ZFHX3: variants seen among roughly 807,000 people sequenced by gnomAD.
ZFHX3 encodes zinc finger homeobox 3.
In ZFHX3, 42 loss-of-function variants were observed where a neutral mutation model predicts 279.1. The observed-to-expected ratio is 0.15, with a 90% CI of 0.12 to 0.19. The LOEUF is 0.19. Among genes scored for constraint, ZFHX3 ranks in the 10% least tolerant of loss-of-function variants. ZFHX3 has a pLI of 1.00. For missense variants in ZFHX3, 4,981 were observed against 4,754.0 expected (o/e 1.05, Z -1.40); for synonymous variants, 2,293 against 1,957.8 (o/e 1.17, Z -4.52).
chr16:72,822,213 A>G (rs2036810766), intron 5 of ZFHX3, among the ~76,000 whole-genome samples: 1 of 152,170 alleles, frequency 6.6e-6, no homozygotes, highest in Admixed American at 6.5e-5. Flanking sequence ...ACAAAAATCA[A>G]TGGTTGCCAC....
In ZFHX3 at chr16:73,297,802, C is replaced by T. The variant is rs372845178; in HGVS notation, c.-1194+20438G>A. Among the ~76,000 whole-genome samples the T allele has an allele frequency of 2.0e-4, 31 of 151,972 alleles. 1 individual carries two copies. Among genetic ancestry groups the T allele is most frequent in the Admixed American group, 9.2e-4 (14 of 15,270 alleles). ...ATTTCTTCTCTGGAAAGTGTCTGTG[C>T]GATAATAACCTTATCTTGTAGAGTT... On this transcript the variant is annotated intron_variant, in intron 4 of 17. Transcript: ENST00000641206.
chr16:72,968,675 C>T (rs574386426), intron 1 of ZFHX3, among the ~76,000 whole-genome samples: 1 of 152,152 alleles, frequency 6.6e-6, no homozygotes, highest in African/African-American at 2.4e-5. Flanking sequence ...ACTGGCCAGG[C>T]TAGTTTCGAA....
intron 3 of ZFHX3, among the ~76,000 whole-genome samples, chr16:73,417,505 T>C (rs2017615445): frequency 6.6e-6 from 1 of 150,854 alleles, no homozygotes; most frequent in Admixed American, 6.6e-5. Flanking sequence ...TACCTAGGAT[T>C]CCAAGTATGC....
intron 1 of ZFHX3, among the ~76,000 whole-genome samples, chr16:73,696,010 A>G (rs12102385): frequency 0.62 from 94,737 of 152,082 alleles, 31,585 homozygotes; most frequent in East Asian, 0.85. Flanking sequence ...TGGGTTCTCC[A>G]CAAAAGAGAG....
At chr16:73,293,535 G>A (rs563170170) in intron 4 of ZFHX3, among the ~76,000 whole-genome samples, 4 of 152,198 alleles carry the variant, frequency 2.6e-5, no homozygotes, top group Non-Finnish European at 5.9e-5. Context: ...TGCTATTGGT[G>A]CATGAAGACA....
rs774648688 is a variant in ZFHX3 at position 72,797,322 on chromosome 16, A to G, written c.5360T>C (p.Leu1787Pro). The G allele has an allele frequency of 1.9e-6, 3 of 1,604,256 alleles. No homozygotes were observed. The highest frequency in any genetic ancestry group is 2.6e-6 in the Non-Finnish European group (3 of 1,174,530). Residue 1787 changes from leucine (L) to proline (P), a missense_variant, in exon 9 of 10, where the codon CTG becomes CCG. Coordinates refer to ENST00000268489, the MANE Select transcript of ZFHX3 (RefSeq NM_006885.4). ...GTGCTGCTGCTGCTGTAGTTGCAGC[A>G]GGGTCTCAGTTGTCATGGGGAAGTG... ...LPHFPMTTET[L>P]LQLQQQQHLL...
At chr16:72,830,160 C>T (rs188965743) in intron 4 of ZFHX3, among the ~76,000 whole-genome samples, 3 of 152,204 alleles carry the variant, frequency 2.0e-5, no homozygotes, top group African/African-American at 4.8e-5. Context: ...ACTGAAAAAC[C>T]AATCCTGGTT....
chr16:73,871,611 G>A (rs1455464974), intron 1 of ZFHX3, among the ~76,000 whole-genome samples: 2 of 152,016 alleles, frequency 1.3e-5, no homozygotes, highest in Admixed American at 1.3e-4. Flanking sequence ...ATTTGCTAAT[G>A]GTGAAATAAA....
chr16:72,809,335 C>A (rs2143570725), intron 7 of ZFHX3: 1 of 152,272 alleles, frequency 6.6e-6, no homozygotes, highest in East Asian at 1.9e-4. Flanking sequence ...ACATCTCTTT[C>A]TGTTCTTTCA....
In ZFHX3 at chr16:73,423,689, C is replaced by T. The variant is rs113087300; in HGVS notation, c.-1291+32314G>A. Among the ~76,000 whole-genome samples the T allele has an allele frequency of 9.5e-3, 1,443 of 152,246 alleles. 19 individuals carry two copies. Among genetic ancestry groups the T allele is most frequent in the African/African-American group, 0.033 (1,369 of 41,540 alleles). ...GCAGCCTGGCCAGCATGGCACAATC[C>T]TGTCTCTACTAAGAATACAAAACTT... On this transcript the variant is annotated intron_variant, in intron 3 of 17. Coordinates refer to the ZFHX3 transcript ENST00000641206.
chr16:73,559,579 G>A (rs1276333352), intron 2 of ZFHX3, among the ~76,000 whole-genome samples: 5 of 152,156 alleles, frequency 3.3e-5, no homozygotes, highest in South Asian at 2.1e-4. Flanking sequence ...TCCCTCTCTC[G>A]GGTCCGGTTG....
In ZFHX3 at chr16:73,665,493, C is replaced by T. The variant is rs556774845; in HGVS notation, c.-1547+14687G>A. On this transcript the variant is annotated intron_variant, in intron 2 of 17. Coordinates refer to the ZFHX3 transcript ENST00000641206. Reference sequence around the variant, plus strand: ...CCTCCCAAAGTGTTGGGATTACAGGCATGAGCCACCATGCCTGGCCTGACC... The same window carrying T: ...CCTCCCAAAGTGTTGGGATTACAGGTATGAGCCACCATGCCTGGCCTGACC... Among the ~76,000 whole-genome samples the T allele has an allele frequency of 9.2e-5, 14 of 151,788 alleles. No individual in the cohort carries two copies. In the East Asian group the frequency reaches 2.3e-3, roughly 25 times the overall value.
chr16:72,952,480 C>A (rs1293391429), intron 2 of ZFHX3, among the ~76,000 whole-genome samples: 1 of 152,166 alleles, frequency 6.6e-6, no homozygotes, highest in Non-Finnish European at 1.5e-5. Flanking sequence ...GCTGGGATCC[C>A]CATCAGGGCA....
At chr16:73,099,912 C>T (rs1041116482) in intron 7 of ZFHX3, among the ~76,000 whole-genome samples, 3 of 152,060 alleles carry the variant, frequency 2.0e-5, no homozygotes, top group African/African-American at 7.2e-5. Flanking sequence ...TTCTGGCTAC[C>T]TGGGGCCTTC....
At chr16:73,443,741 G>C (rs56411222) in intron 3 of ZFHX3, among the ~76,000 whole-genome samples, 4,143 of 152,004 alleles carry the variant, frequency 0.027, 177 homozygotes, top group African/African-American at 0.092. Context: ...TATTTAGCCA[G>C]TTAAGTTACT....
chr16:73,759,291 A>G (rs2053840204), intron 1 of ZFHX3, among the ~76,000 whole-genome samples: 1 of 152,150 alleles, frequency 6.6e-6, no homozygotes, highest in Non-Finnish European at 1.5e-5. Flanking sequence ...TCCCTCTTCT[A>G]CCTGCACCAT....
At chr16:73,300,900 C>G (rs1331069603) in intron 4 of ZFHX3, among the ~76,000 whole-genome samples, 3 of 152,204 alleles carry the variant, frequency 2.0e-5, no homozygotes, top group Non-Finnish European at 2.9e-5. Flanking sequence ...CTGGAGCAGT[C>G]TCTGATCTTT....
Position 73,833,893 on chromosome 16 carries a change from T to C in ZFHX3, c.-1608+57758A>G, listed in dbSNP as rs569479241. On this transcript the variant is annotated intron_variant, in intron 1 of 17. Transcript: ENST00000641206. ...GTGTGATTTTATGCATATATGTATATGTATGTGTATGTGTGTATATGTAAT... is the reference window on the plus strand; with the variant it reads ...GTGTGATTTTATGCATATATGTATACGTATGTGTATGTGTGTATATGTAAT... Among the ~76,000 whole-genome samples, 109 of 151,396 alleles carry C rather than the reference T, an allele frequency of 7.2e-4. 2 individuals are homozygous for C. The South Asian group carries it at 0.021, about 30-fold the overall frequency.
rs1291967147 is a variant in ZFHX3 at position 72,786,598 on chromosome 16, A to G, written c.*566T>C. 1 of 151,816 alleles carries G rather than the reference A, an allele frequency of 6.6e-6. No homozygotes were observed. The highest frequency in any genetic ancestry group is 6.6e-5 in the Admixed American group (1 of 15,242). The allele number at this position is 151,816 out of a possible 1,614,324, so 9.4% of individuals were successfully genotyped here. A position where few individuals can be genotyped will look rare whatever the true frequency, so the allele number is the denominator to read the frequency against. ...CTTTTCTGGAACAAAAAAAAAAAAA[A>G]AAACTGAAAAAACAATAATATATAA... On this transcript the variant is annotated 3_prime_UTR_variant, in exon 10 of 10. Transcript: ENST00000268489.
Sources: gnomAD v4.1 joint callset for allele counts (sites outside exome capture counted in the v4.1 genomes callset) on GRCh38, gnomAD v4.1.1 for gene constraint, MANE v1.5 for transcripts, NCBI Gene and HGNC (gene_info 2026-07-23, HGNC 2026-07-21) for gene names.